Variants in C6orf132 observed in about 807,000 individuals in gnomAD.
The protein encoded by C6orf132 is chromosome 6 open reading frame 132, also known as uncharacterized protein C6orf132.
Under a neutral mutation model 65.3 loss-of-function variants are expected in C6orf132, and 43 were observed. The ratio of observed to expected loss-of-function variants is 0.66; its 90% confidence interval spans 0.52 to 0.85. The LOEUF is 0.85. C6orf132 is among the 40% of genes least tolerant of loss of function. C6orf132 has a pLI of 0.00. For synonymous variants in C6orf132, 631 were observed against 654.1 expected (o/e 0.96, Z 0.54); for missense variants, 1,488 against 1,548.8 (o/e 0.96, Z 0.66).
chr6:42,123,227 CAAA>C (rs1396687434), intron 2 of C6orf132, among the ~76,000 whole-genome samples: 1 of 151,726 alleles, frequency 6.6e-6, no homozygotes, highest in African/African-American at 2.4e-5. Context: ...ACTAAAAATA[CAAA>C]AAATTAGCCG....
chr6:42,129,638 CT>C (rs1413106898), intron 1 of C6orf132, among the ~76,000 whole-genome samples: 1 of 152,200 alleles, frequency 6.6e-6, no homozygotes, highest in Non-Finnish European at 1.5e-5. Context: ...TGAGGGGCTA[CT>C]CACATCACAT....
chr6:42,105,016 A>G lies in C6orf132; in HGVS notation c.2896T>C (p.Ser966Pro). 1 of 1,530,984 alleles carries G rather than the reference A, an allele frequency of 6.5e-7. No homozygotes were observed. The highest frequency in any genetic ancestry group is 8.7e-7 in the Non-Finnish European group (1 of 1,144,792). 94.8% of individuals were successfully genotyped at this position (1,530,984 alleles called of 1,614,324 possible). ...QGHPLPKSFS[S>P]PPSPSNKREE... ...CTCTTGTTCGAAGGAGAAGGTGGGG[A>G]GGAGAAGGACTTGGGCAGCGGGTGG... is the stretch of plus-strand genomic sequence containing the variant. The change falls in exon 4 of 5, where the codon TCC becomes CCC. Residue 966 changes from serine (S) to proline (P), a missense_variant. By Grantham distance (74) the Ser-to-Pro change is moderately conservative. Transcript: ENST00000341865.
chr6:42,123,643 C>G (rs936517190), intron 2 of C6orf132, among the ~76,000 whole-genome samples: 2 of 152,088 alleles, frequency 1.3e-5, no homozygotes, highest in Non-Finnish European at 2.9e-5. Flanking sequence ...CTGGCTTGCT[C>G]TCTGGGCCCA....
intron 2 of C6orf132, among the ~76,000 whole-genome samples, chr6:42,112,103 C>G (rs1219247284): frequency 6.6e-6 from 1 of 152,228 alleles, no homozygotes; most frequent in African/African-American, 2.4e-5. Context: ...CATTCCCACT[C>G]TCCATTTATA....
chr6:42,128,079 T>C (rs7762336), intron 2 of C6orf132, among the ~76,000 whole-genome samples: 64,795 of 150,944 alleles, frequency 0.43, 14,383 homozygotes, highest in African/African-American at 0.52. Context: ...TGCTTGCCAC[T>C]ACACCGGCTA....
chr6:42,105,479 G>A lies in C6orf132; in HGVS notation c.2433C>T (p.Ala811=). 1 of 1,533,654 alleles carries A rather than the reference G, an allele frequency of 6.5e-7. No individual in the cohort carries two copies. The highest frequency in any genetic ancestry group is 8.7e-7 in the Non-Finnish European group (1 of 1,145,122). ...VEVKEPPGLP[A]KPPASAQPTD... ...TGGGCTGGGCCGAGGCAGGAGGCTT[G>A]GCTGGCAGCCCTGGGGGCTCCTTCA... Residue 811 remains alanine (A), a synonymous_variant, in exon 4 of 5, where the codon GCC becomes GCT. Coordinates refer to ENST00000341865, the MANE Select transcript of C6orf132 (RefSeq NM_001164446.3).
intron 2 of C6orf132, among the ~76,000 whole-genome samples, chr6:42,121,136 G>A (rs1427398838): frequency 2.0e-5 from 3 of 152,188 alleles, no homozygotes; most frequent in Non-Finnish European, 4.4e-5. Flanking sequence ...TAGGTTTGCT[G>A]TGATACCAGA....
rs998835630 is a variant in C6orf132, at chr6:42,106,141, G to T, written c.1771C>A (p.Pro591Thr). 22 of 1,537,252 alleles carry T rather than the reference G, an allele frequency of 1.4e-5. No homozygotes were observed. Among genetic ancestry groups the T allele is most frequent in the Non-Finnish European group, 1.9e-5 (22 of 1,146,916 alleles). The change falls in exon 4 of 5, where the codon CCT becomes ACT. Residue 591 changes from proline (P) to threonine (T), a missense_variant. Pro to Thr is a conservative substitution (Grantham distance 38). Coordinates refer to ENST00000341865, the MANE Select transcript of C6orf132 (RefSeq NM_001164446.3). ...EAKPSIGSLP[P>T]KPRLEGGRIC... ...CTTCCCCCTTCTAGCCGAGGCTTAG[G>T]GGGCAGAGATCCTATGCTGGGCTTA...
At position 42,106,654 on chromosome 6, in the gene C6orf132, C is replaced by T; in HGVS notation, c.1258G>A (p.Ala420Thr). The T allele has an allele frequency of 6.5e-7, 1 of 1,527,500 alleles. No homozygotes were observed. Among genetic ancestry groups the T allele is most frequent in the South Asian group, 1.2e-5 (1 of 83,810 alleles). The allele number at this position is 1,527,500 out of a possible 1,614,324, so 94.6% of individuals were successfully genotyped here. Residue 420 changes from alanine (A) to threonine (T), a missense_variant, in exon 4 of 5, where the codon GCT becomes ACT. Transcript: ENST00000341865. Reference sequence around the variant, plus strand: ...GCAGGTGGATGGGCTGCCTTCTGAGCACAGGGCAAAGGAGGTGCAGCTGGG... The same window carrying T: ...GCAGGTGGATGGGCTGCCTTCTGAGTACAGGGCAAAGGAGGTGCAGCTGGG... ...LPPAAPPLPC[A>T]QKAAHPPAGF...
In C6orf132 at chr6:42,103,491, C is replaced by G; in HGVS notation, c.*270G>C. ...AGAGCAGAAACTCAGCGCCCAGGTC[C>G]TTAATGGTTCCTTCTCTCTACCCTC... On this transcript the variant is annotated 3_prime_UTR_variant, in exon 5 of 5. Coordinates refer to ENST00000341865, the MANE Select transcript of C6orf132 (RefSeq NM_001164446.3). 1 of 390,502 alleles carries G rather than the reference C, an allele frequency of 2.6e-6. No individual in the cohort carries two copies. The highest frequency in any genetic ancestry group is 4.5e-6 in the Non-Finnish European group (1 of 221,638). 24.2% of individuals were successfully genotyped at this position (390,502 alleles called of 1,614,324 possible).
chr6:42,103,690 C>G lies in C6orf132; in HGVS notation c.*71G>C. On this transcript the variant is annotated 3_prime_UTR_variant, in exon 5 of 5. Coordinates refer to ENST00000341865, the MANE Select transcript of C6orf132 (RefSeq NM_001164446.3). ...CAACACCTGCTGTGTACCTCCCACC[C>G]CCCACAAGAAACAAGTGCCCAGATC... 1 of 1,022,820 alleles carries G rather than the reference C, an allele frequency of 9.8e-7. No homozygotes were observed. The highest frequency in any genetic ancestry group is 2.2e-4 in the Middle Eastern group (1 of 4,462). 63.4% of individuals were successfully genotyped at this position (1,022,820 alleles called of 1,614,324 possible). A position where few individuals can be genotyped will look rare whatever the true frequency, so the allele number is the denominator to read the frequency against.
At chr6:42,132,540 A>G (rs1423224156) in intron 1 of C6orf132, among the ~76,000 whole-genome samples, 1 of 139,602 alleles carries the variant, frequency 7.2e-6, no homozygotes, top group Non-Finnish European at 1.5e-5. Flanking sequence ...GAAGAAGAAG[A>G]AGAAGAAAAT....
chr6:42,127,107 A>ACC (rs774216296), intron 2 of C6orf132, among the ~76,000 whole-genome samples: 20 of 152,000 alleles, frequency 1.3e-4, no homozygotes, highest in Non-Finnish European at 2.8e-4. Context: ...GGCACACACC[A>ACC]CCACACCTCA....
intron 1 of C6orf132, among the ~76,000 whole-genome samples, chr6:42,132,999 T>A (rs978849174): frequency 6.6e-6 from 1 of 152,154 alleles, no homozygotes; most frequent in African/African-American, 2.4e-5. Context: ...TCTATCTCCA[T>A]CAGCTAGATC....
chr6:42,131,169 C>T (rs775382388), intron 1 of C6orf132, among the ~76,000 whole-genome samples: 7 of 151,782 alleles, frequency 4.6e-5, no homozygotes, highest in African/African-American at 1.7e-4. Flanking sequence ...TACAGGTGTG[C>T]GCCACCACAC....
chr6:42,110,282 C>T lies in C6orf132; in HGVS notation c.262G>A (p.Glu88Lys). The T allele has an allele frequency of 1.3e-6, 2 of 1,548,264 alleles. No homozygotes were observed. The highest frequency in any genetic ancestry group is 1.7e-6 in the Non-Finnish European group (2 of 1,145,714). The change falls in exon 3 of 5, where the codon GAA (glutamate) becomes AAA (lysine). Residue 88 changes from glutamate (E) to lysine (K), a missense_variant. Physicochemically the swap from Glu to Lys is moderately conservative, Grantham distance 56. Transcript: ENST00000341865. The part of the protein sequence containing the change: ...LLTFLPLNAQ[E>K]NHGLAVPTPS... ...GTGGGCACAGCCAGCCCATGGTTTTCCTGGGCATTCTGAAAGAGACCAGAA... is the reference window on the plus strand; with the variant it reads ...GTGGGCACAGCCAGCCCATGGTTTTTCTGGGCATTCTGAAAGAGACCAGAA...
Position 42,106,667 on chromosome 6 carries a change from AGGTGCAGCTG to A in C6orf132, c.1235_1244del (p.Pro412LeufsTer102). On this transcript the variant is annotated frameshift_variant, in exon 4 of 5. Coordinates refer to ENST00000341865, the MANE Select transcript of C6orf132 (RefSeq NM_001164446.3). LOFTEE classifies it high-confidence loss of function. ...CTGCCTTCTGAGCACAGGGCAAAGG[AGGTGCAGCTG>A]GGGGAAGTGGGGGTGCTGGGGGAGG... 1 of 1,172,700 alleles carries A rather than the reference AGGTGCAGCTG, an allele frequency of 8.5e-7. No homozygotes were observed. Among genetic ancestry groups the A allele is most frequent in the Non-Finnish European group, 1.1e-6 (1 of 938,522 alleles). 72.6% of individuals were successfully genotyped at this position (1,172,700 alleles called of 1,614,324 possible). A position where few individuals can be genotyped will look rare whatever the true frequency, so the allele number is the denominator to read the frequency against.
chr6:42,107,783 C>T (rs528456270), intron 3 of C6orf132, among the ~76,000 whole-genome samples, 200 bp from the exon 4 acceptor site: 25 of 152,220 alleles, frequency 1.6e-4, no homozygotes, highest in Admixed American at 4.6e-4. Context: ...TTCTAGGGAG[C>T]GTCTCCTGCC....
chr6:42,128,308 G>A (rs1766798045), intron 2 of C6orf132, among the ~76,000 whole-genome samples: 1 of 152,146 alleles, frequency 6.6e-6, no homozygotes, highest in Non-Finnish European at 1.5e-5. Context: ...AGAACAGCAA[G>A]GCTGGCCCAG....
Sources: allele counts gnomAD v4.1 joint callset (sites outside exome capture counted in the v4.1 genomes callset), GRCh38; gene constraint gnomAD v4.1.1; transcripts MANE v1.5; gene names NCBI Gene and HGNC (gene_info 2026-07-23, HGNC 2026-07-21).